Variants in SCHIP1 observed in about 807,000 individuals in gnomAD.
The protein encoded by SCHIP1 is schwannomin-interacting protein 1.
In SCHIP1, 8 loss-of-function variants were observed where a neutral mutation model predicts 29.7. That is an observed-to-expected ratio of 0.27 (90% CI 0.16 to 0.49). SCHIP1 has a LOEUF of 0.49. SCHIP1 is among the 20% of genes least tolerant of loss of function. The pLI, the probability that SCHIP1 is intolerant of heterozygous loss-of-function variation, is 0.99. For missense variants in SCHIP1, 193 were observed against 294.6 expected (o/e 0.66, Z 2.52); for synonymous variants, 76 against 94.9 (o/e 0.80, Z 1.16).
chr3:159,277,858 T>A, the SCHIP1 span, among the ~76,000 whole-genome samples: 1 of 151,066 alleles, frequency 6.6e-6, no homozygotes, highest in South Asian at 2.1e-4. Flanking sequence ...GAGGTTGCAA[T>A]GAGTCGAGAT....
chr3:159,851,441 T>C (rs964092526), intron 1 of SCHIP1, among the ~76,000 whole-genome samples: 2 of 152,192 alleles, frequency 1.3e-5, no homozygotes, highest in Admixed American at 6.5e-5. Context: ...CATTTTGCTG[T>C]AAAACACAAT....
At chr3:159,817,854 T>TAGG in the SCHIP1 span, among the ~76,000 whole-genome samples, 2 of 152,200 alleles carry the variant, frequency 1.3e-5, no homozygotes, top group African/African-American at 4.8e-5. Context: ...GGGAATAAAG[T>TAGG]AGGTTTCCCA....
At chr3:159,720,736 C>A in the SCHIP1 span, among the ~76,000 whole-genome samples, 1 of 152,108 alleles carries the variant, frequency 6.6e-6, no homozygotes, top group Non-Finnish European at 1.5e-5. Flanking sequence ...AGGCACCTGC[C>A]AGCCAGCCCA....
chr3:159,440,495 G>A, the SCHIP1 span, among the ~76,000 whole-genome samples: 10 of 152,174 alleles, frequency 6.6e-5, no homozygotes, highest in South Asian at 2.1e-4. Flanking sequence ...TCTGAAGAAA[G>A]AAGGACAAGA....
At chr3:159,637,611 G>A in the SCHIP1 span, among the ~76,000 whole-genome samples, 19 of 152,240 alleles carry the variant, frequency 1.2e-4, no homozygotes, top group African/African-American at 4.3e-4. Flanking sequence ...AACTCAGACT[G>A]GAATTCCTTA....
the SCHIP1 span, among the ~76,000 whole-genome samples, chr3:159,773,385 T>C: frequency 2.0e-5 from 3 of 152,212 alleles, no homozygotes; most frequent in Admixed American, 2.0e-4. Context: ...GAAACTAAGG[T>C]CTGTGAAGAT....
chr3:159,492,863 TACCCACAAAGGG>T, the SCHIP1 span, among the ~76,000 whole-genome samples: 8 of 152,270 alleles, frequency 5.3e-5, no homozygotes, highest in Non-Finnish European at 1.0e-4. Context: ...AAGGTCGGGT[TACCCACAAAGGG>T]AAGCCCATCA....
chr3:159,378,780 T>A, the SCHIP1 span, among the ~76,000 whole-genome samples: 1 of 152,268 alleles, frequency 6.6e-6, no homozygotes, highest in Non-Finnish European at 1.5e-5. Context: ...GCTTTGTATC[T>A]GAGAAGTCTG....
At chr3:159,770,354 A>C in the SCHIP1 span, among the ~76,000 whole-genome samples, 1 of 152,144 alleles carries the variant, frequency 6.6e-6, no homozygotes, top group Non-Finnish European at 1.5e-5. Context: ...CCGCCTGCTC[A>C]GTTCAAGTGA....
the SCHIP1 span, among the ~76,000 whole-genome samples, chr3:159,392,319 T>G: frequency 6.6e-6 from 1 of 152,290 alleles, no homozygotes; most frequent in East Asian, 1.9e-4. Flanking sequence ...TTTTTTCCTT[T>G]TATTATTATA....
the SCHIP1 span, among the ~76,000 whole-genome samples, chr3:159,605,652 G>A: frequency 2.0e-5 from 3 of 151,946 alleles, 1 homozygote; most frequent in South Asian, 6.2e-4. Context: ...CAATCAAATG[G>A]GAAGAAAAAA....
intron 2 of SCHIP1, among the ~76,000 whole-genome samples, chr3:159,875,643 G>C (rs941390334): frequency 6.6e-6 from 1 of 152,208 alleles, no homozygotes; most frequent in African/African-American, 2.4e-5. Context: ...GCTCCATTGA[G>C]AGTGCACAAA....
chr3:159,348,922 AT>A, the SCHIP1 span, among the ~76,000 whole-genome samples: 1 of 152,186 alleles, frequency 6.6e-6, no homozygotes, highest in Non-Finnish European at 1.5e-5. Flanking sequence ...TCCATAAGGA[AT>A]GAGTATTCAG....
the SCHIP1 span, among the ~76,000 whole-genome samples, chr3:159,727,406 T>A: frequency 1.3e-5 from 2 of 152,224 alleles, no homozygotes; most frequent in African/African-American, 2.4e-5. Flanking sequence ...TCCACTGCTG[T>A]ATCCCTGGAG....
At chr3:159,405,543 A>C in the SCHIP1 span, among the ~76,000 whole-genome samples, 3 of 152,228 alleles carry the variant, frequency 2.0e-5, no homozygotes, top group African/African-American at 7.2e-5. Context: ...AGAATTGGTC[A>C]CACAGAGGAA....
intron 2 of SCHIP1, among the ~76,000 whole-genome samples, chr3:159,869,836 G>C (rs1267015449): frequency 2.0e-5 from 3 of 151,738 alleles, no homozygotes; most frequent in African/African-American, 7.3e-5. Context: ...CATGAATATG[G>C]TCTGTCTCCC....
the SCHIP1 span, among the ~76,000 whole-genome samples, chr3:159,547,548 G>A: frequency 1.3e-5 from 2 of 152,120 alleles, no homozygotes; most frequent in East Asian, 3.8e-4. Flanking sequence ...ATAGTTTTAG[G>A]TTTTACATTT....
At chr3:159,858,955 G>A (rs1713725244) in intron 1 of SCHIP1, among the ~76,000 whole-genome samples, 1 of 152,192 alleles carries the variant, frequency 6.6e-6, no homozygotes, top group Non-Finnish European at 1.5e-5. Context: ...AGCTCATCTT[G>A]ACCTTTCTGG....
At chr3:159,557,001 A>C in the SCHIP1 span, among the ~76,000 whole-genome samples, 1 of 151,668 alleles carries the variant, frequency 6.6e-6, no homozygotes, top group Admixed American at 6.6e-5. Flanking sequence ...TCTGCCGCCC[A>C]GACTAGAGTG....
Sources: allele counts gnomAD v4.1 joint callset (sites outside exome capture counted in the v4.1 genomes callset), GRCh38; gene constraint gnomAD v4.1.1; transcripts MANE v1.5; gene names NCBI Gene and HGNC (gene_info 2026-07-23, HGNC 2026-07-21).